The following ADTRP variants were observed in gnomAD, a reference collection of about 807,000 sequenced individuals.
ADTRP encodes androgen dependent TFPI regulating protein, also known as androgen-dependent TFPI-regulating protein.
A neutral mutation model predicts 27.0 loss-of-function variants in ADTRP; 20 were observed. The observed-to-expected ratio is 0.74, with a 90% CI of 0.52 to 1.08. The LOEUF (loss-of-function observed/expected upper bound fraction) is 1.08. Ranked by LOEUF, ADTRP falls within the 50% of genes least tolerant of loss-of-function variation. The pLI is 0.00. For missense variants in ADTRP, 251 were observed against 275.0 expected, an observed-to-expected ratio of 0.91 and a Z score of 0.62; for synonymous variants, 101 against 105.2, an observed-to-expected ratio of 0.96 and a Z score of 0.25.
At chr6:11,776,936 G>A (rs1459662814) in intron 1 of ADTRP, among the ~76,000 whole-genome samples, 1 of 152,178 alleles carries the variant, frequency 6.6e-6, no homozygotes, top group African/African-American at 2.4e-5. Context: ...CCAGTGCTTT[G>A]AGAAGATTAA....
At chr6:11,730,067 T>C (rs1450803685) in intron 4 of ADTRP, among the ~76,000 whole-genome samples, 2 of 152,164 alleles carry the variant, frequency 1.3e-5, no homozygotes, top group Non-Finnish European at 2.9e-5. Flanking sequence ...GGCATTTTGG[T>C]TGAATAAGAA....
chr6:11,732,830 C>T (rs1396602454), intron 4 of ADTRP, among the ~76,000 whole-genome samples: 1 of 152,208 alleles, frequency 6.6e-6, no homozygotes, highest in Non-Finnish European at 1.5e-5. Flanking sequence ...CTGGGAACAA[C>T]ACGTGAAAGA....
chr6:11,742,139 A>C (rs1487621813), intron 3 of ADTRP, among the ~76,000 whole-genome samples: 1 of 152,042 alleles, frequency 6.6e-6, no homozygotes, highest in African/African-American at 2.4e-5. Context: ...AAAAAGTTTT[A>C]ATGTTGCTAC....
intron 3 of ADTRP, among the ~76,000 whole-genome samples, chr6:11,758,578 G>A (rs184745679): frequency 8.3e-5 from 10 of 119,842 alleles, no homozygotes; most frequent in Non-Finnish European, 1.7e-4. Flanking sequence ...TGTGGGGTGG[G>A]GGGGGGGGAC....
chr6:11,768,460 C>A, intron 1 of ADTRP, 77 bp from the exon 2 acceptor site: 1 of 1,549,800 alleles, frequency 6.5e-7, no homozygotes, highest in Non-Finnish European at 8.8e-7. Flanking sequence ...AAACTCCATC[C>A]CTCTGAGAGT....
At chr6:11,723,537 A>T (rs769583313) in intron 4 of ADTRP, 37 bp from the exon 5 acceptor site, 3 of 1,608,538 alleles carry the variant, frequency 1.9e-6, no homozygotes, top group Non-Finnish European at 2.5e-6. Context: ...TTATAGCAGG[A>T]GGAGAAAAAC....
chr6:11,735,164 C>T (rs1762509660), intron 4 of ADTRP, among the ~76,000 whole-genome samples: 1 of 152,216 alleles, frequency 6.6e-6, no homozygotes, highest in Non-Finnish European at 1.5e-5. Flanking sequence ...GTGGACAAAC[C>T]TAGCATGCTC....
At chr6:11,730,671 A>G (rs1762354338) in intron 4 of ADTRP, among the ~76,000 whole-genome samples, 1 of 152,236 alleles carries the variant, frequency 6.6e-6, no homozygotes, top group Non-Finnish European at 1.5e-5. Flanking sequence ...CTTACCCTGG[A>G]GAGCACAGTA....
intron 3 of ADTRP, among the ~76,000 whole-genome samples, chr6:11,737,913 G>A (rs1271007906): frequency 1.3e-5 from 2 of 152,184 alleles, no homozygotes; most frequent in Non-Finnish European, 2.9e-5. Flanking sequence ...TGCAGCTTCT[G>A]TGTCTCTCCG....
intron 1 of ADTRP, among the ~76,000 whole-genome samples, chr6:11,772,992 A>G (rs990497337): frequency 6.6e-6 from 1 of 152,214 alleles, no homozygotes; most frequent in Non-Finnish European, 1.5e-5. Flanking sequence ...GCTGAGGACA[A>G]CGGGCTTCAG....
chr6:11,755,585 T>G lies in ADTRP; in HGVS notation c.390+10689A>C, dbSNP rs549849600. On this transcript the variant is annotated intron_variant, in intron 3 of 5. Transcript: ENST00000414691. ...AGGCAAAATGGCTTTATTGTGATTA[T>G]TCAGGTAACTCTGCTTCCTCATCCC... Among the ~76,000 whole-genome samples the G allele has an allele frequency of 3.9e-5, 6 of 152,338 alleles. No individual in the cohort carries two copies. The South Asian group carries it at 1.0e-3, about 26-fold the overall frequency.
intron 4 of ADTRP, chr6:11,728,630 T>G (rs2235419): frequency 0.37 from 56,948 of 152,192 alleles, 12,476 homozygotes; most frequent in East Asian, 0.7. Flanking sequence ...TCCTCCACCC[T>G]GGAACTTACC....
At chr6:11,729,517 C>A (rs1011659069) in intron 4 of ADTRP, among the ~76,000 whole-genome samples, 15 of 152,140 alleles carry the variant, frequency 9.9e-5, no homozygotes, top group African/African-American at 3.4e-4. Context: ...GAGGGCCTTT[C>A]CCTGGTGTTT....
intron 3 of ADTRP, among the ~76,000 whole-genome samples, chr6:11,752,916 G>A (rs1408057182): frequency 6.6e-6 from 1 of 152,194 alleles, no homozygotes; most frequent in Non-Finnish European, 1.5e-5. Flanking sequence ...ATTTGCATGG[G>A]TCGTTAATGT....
intron 4 of ADTRP, among the ~76,000 whole-genome samples, chr6:11,733,246 A>G (rs1048092602): frequency 1.2e-4 from 19 of 152,234 alleles, no homozygotes; most frequent in African/African-American, 4.6e-4. Context: ...TCTAATGTCC[A>G]CACTTCAGCC....
chr6:11,756,238 T>C (rs771798660), intron 3 of ADTRP, among the ~76,000 whole-genome samples: 5 of 152,154 alleles, frequency 3.3e-5, no homozygotes, highest in Non-Finnish European at 7.3e-5. Context: ...TGTGCCCATG[T>C]GCCTGTAAGT....
At chr6:11,765,980 G>T (rs558443455) in intron 3 of ADTRP, among the ~76,000 whole-genome samples, 2 of 152,072 alleles carry the variant, frequency 1.3e-5, no homozygotes, top group African/African-American at 4.8e-5. Flanking sequence ...CATATTTGCA[G>T]AAGTCACTTC....
intron 3 of ADTRP, among the ~76,000 whole-genome samples, chr6:11,744,318 T>C (rs1424860287): frequency 6.6e-6 from 1 of 152,236 alleles, no homozygotes; most frequent in Admixed American, 6.5e-5. Flanking sequence ...TAAACCTCTT[T>C]TCTTTGTAAA....
rs758210294 is a variant in ADTRP at position 11,768,321 on chromosome 6, C to T, written c.216G>A (p.Gly72=). 3 of 1,614,190 alleles carry T rather than the reference C, an allele frequency of 1.9e-6. No homozygotes were observed. The Middle Eastern group carries it at 4.9e-4, about 266-fold the overall frequency. ...CLDDVLKRTK[G]GKDIKFLTAF... The stretch of plus-strand genomic sequence containing the variant: ...CAGTTAGGAACTTAATGTCTTTTCC[C>T]CCTTTGGTTCTTTTCAGCACATCAT... The change falls in exon 2 of 6, where the codon GGG becomes GGA. Residue 72 remains glycine, a synonymous_variant. Transcript: ENST00000414691.
Sources: gnomAD v4.1 joint callset for allele counts (sites outside exome capture counted in the v4.1 genomes callset) on GRCh38, gnomAD v4.1.1 for gene constraint, MANE v1.5 for transcripts, NCBI Gene and HGNC (gene_info 2026-07-23, HGNC 2026-07-21) for gene names.